The following DPP8 variants were observed in gnomAD, a reference collection of about 807,000 sequenced individuals.
The protein encoded by DPP8 is dipeptidyl peptidase 8, also known as DPP VIII.
DPP8 carries 31 observed loss-of-function variants against 107.5 expected under a neutral mutation model. The observed-to-expected ratio is 0.29, with a 90% CI of 0.22 to 0.39. The LOEUF is 0.39. Among genes scored for constraint, DPP8 ranks in the 10% least tolerant of loss-of-function variants. DPP8 has a pLI of 1.00. For synonymous variants in DPP8, 381 were observed against 356.6 expected (o/e 1.07, Z -0.77); for missense variants, 842 against 1,076.1 (o/e 0.78, Z 3.04).
At chr15:65,485,272 A>G (rs2067294530) in intron 7 of DPP8, 112 bp from the exon 8 acceptor site, 5 of 776,266 alleles carry the variant, frequency 6.4e-6, no homozygotes, top group East Asian at 2.7e-5. Context: ...GGTCGGGTGC[A>G]GTGGCTCACG....
intron 10 of DPP8, 83 bp from the exon 11 acceptor site, chr15:65,479,122 T>C: frequency 3.3e-6 from 3 of 909,912 alleles, no homozygotes; most frequent in South Asian, 4.8e-5. Context: ...AATTTCTTGA[T>C]AAATATACTT....
intron 17 of DPP8, 117 bp from the exon 18 acceptor site, chr15:65,452,219 C>T (rs2064033026): frequency 8.5e-7 from 1 of 1,178,858 alleles, no homozygotes; most frequent in Middle Eastern, 3.0e-4. Context: ...AGCCTTACTA[C>T]TGGCGCATAC....
intron 4 of DPP8, among the ~76,000 whole-genome samples, chr15:65,499,902 A>G (rs184957153): frequency 1.3e-5 from 2 of 152,024 alleles, no homozygotes; most frequent in Non-Finnish European, 2.9e-5. Context: ...AAAGATTATT[A>G]ACTCTTTTGT....
intron 15 of DPP8, among the ~76,000 whole-genome samples, chr15:65,456,750 G>C (rs1475930269): frequency 6.6e-6 from 1 of 152,146 alleles, no homozygotes; most frequent in Non-Finnish European, 1.5e-5. Flanking sequence ...CATCAGATAT[G>C]ACTGCTGCTT....
At chr15:65,451,782 C>T (rs935985059) in intron 18 of DPP8, among the ~76,000 whole-genome samples, 178 bp downstream of exon 18, 1 of 151,694 alleles carries the variant, frequency 6.6e-6, no homozygotes, top group Non-Finnish European at 1.5e-5. Flanking sequence ...AAAAATTAGG[C>T]GGGCATGGTG....
chr15:65,471,883 G>A (rs1452928477), intron 12 of DPP8, among the ~76,000 whole-genome samples: 6 of 152,118 alleles, frequency 3.9e-5, no homozygotes, highest in Non-Finnish European at 8.8e-5. Context: ...GATTTTTACA[G>A]TAGCCAGTAA....
intron 12 of DPP8, among the ~76,000 whole-genome samples, chr15:65,473,258 G>C (rs2066071722): frequency 6.6e-6 from 1 of 150,750 alleles, no homozygotes; most frequent in African/African-American, 2.5e-5. Flanking sequence ...CCAGGAGGTG[G>C]AAGTTTCAGT....
At chr15:65,460,299 C>T (rs1490904681) in intron 15 of DPP8, among the ~76,000 whole-genome samples, 1 of 151,984 alleles carries the variant, frequency 6.6e-6, no homozygotes, top group Non-Finnish European at 1.5e-5. Context: ...AAAAATTAGC[C>T]AGGCATGGTG....
Position 65,497,416 on chromosome 15 carries a change from C to T in DPP8, c.715+448G>A, listed in dbSNP as rs537503998. Among the ~76,000 whole-genome samples the T allele has an allele frequency of 3.9e-5, 6 of 152,184 alleles. No homozygotes were observed. In the South Asian group the frequency reaches 1.0e-3, roughly 26 times the overall value. Reference sequence around the variant, plus strand: ...GGACTACACATGCCACTACGCTCAGCTAATTTTTTGTATTTTTTTGTCAAA... The same window carrying T: ...GGACTACACATGCCACTACGCTCAGTTAATTTTTTGTATTTTTTTGTCAAA... On this transcript the variant is annotated intron_variant, in intron 5 of 19. Transcript: ENST00000300141.
intron 3 of DPP8, 92 bp from the exon 4 acceptor site, chr15:65,500,871 C>CAA: frequency 1.8e-6 from 1 of 544,862 alleles, no homozygotes; most frequent in Non-Finnish European, 3.0e-6. Context: ...ACATTATTGA[C>CAA]TCTTTTTTTT....
At chr15:65,448,920 A>ATATG (rs2063755602) in intron 19 of DPP8, among the ~76,000 whole-genome samples, 4 of 90,920 alleles carry the variant, frequency 4.4e-5, no homozygotes. Flanking sequence ...ATATATATAT[A>ATATG]TATTTAGCCT....
At position 65,498,785 on chromosome 15, in the gene DPP8, TA is replaced by T. The variant is rs571545011; in HGVS notation, c.547-754del. On this transcript the variant is annotated intron_variant, in intron 4 of 19. Transcript: ENST00000300141. ...TTCCTAAAGCTCATAATCAATTGCC[TA>T]GGATAAAACCAAACATAAGCCACTT... Among the ~76,000 whole-genome samples the T allele has an allele frequency of 2.2e-4, 34 of 152,190 alleles. No homozygotes were observed. The East Asian group carries it at 6.6e-3, about 29-fold the overall frequency.
chr15:65,473,981 G>A (rs2066149658), intron 12 of DPP8, among the ~76,000 whole-genome samples: 1 of 152,098 alleles, frequency 6.6e-6, no homozygotes, highest in Non-Finnish European at 1.5e-5. Context: ...GCACATGCCT[G>A]TAATCCCAGC....
intron 14 of DPP8, among the ~76,000 whole-genome samples, chr15:65,465,569 CTTTTT>C (rs556724106): frequency 2.3e-5 from 3 of 128,598 alleles, no homozygotes; most frequent in African/African-American, 8.5e-5. Flanking sequence ...CCAGTCCATT[CTTTTT>C]TTTTTTTTTT....
chr15:65,514,035 T>G (rs1054946544), intron 1 of DPP8, among the ~76,000 whole-genome samples: 1 of 152,230 alleles, frequency 6.6e-6, no homozygotes, highest in African/African-American at 2.4e-5. Flanking sequence ...AATATATCTT[T>G]TTTAAAGCCC....
intron 2 of DPP8, chr15:65,511,985 TTTTATTG>T: frequency 2.1e-6 from 1 of 477,768 alleles, no homozygotes; most frequent in South Asian, 1.7e-5. Context: ...AAACTAATGG[TTTTATTG>T]TTTGTTTTCC....
chr15:65,461,835 A>G (rs1452459151), intron 15 of DPP8, among the ~76,000 whole-genome samples: 1 of 151,532 alleles, frequency 6.6e-6, no homozygotes, highest in Non-Finnish European at 1.5e-5. Flanking sequence ...CTCTGACCTC[A>G]TGATCCGCCT....
intron 12 of DPP8, among the ~76,000 whole-genome samples, chr15:65,472,765 C>T (rs1017128992): frequency 2.6e-5 from 4 of 152,118 alleles, no homozygotes; most frequent in South Asian, 2.1e-4. Context: ...CTTGGCCAGG[C>T]GTGGTGGTTC....
chr15:65,466,699 C>T lies in DPP8; in HGVS notation c.1804G>A (p.Ala602Thr), dbSNP rs763967014. The change falls in exon 14 of 20, where the codon GCC becomes ACC. Residue 602 changes from alanine to threonine, a missense_variant. Ala to Thr is a moderately conservative substitution (Grantham distance 58). Transcript: ENST00000300141. ...DPTCKTKEFW[A>T]TILDSAGPLP... is the part of the protein sequence containing the mutation. ...ATACCTGCTGAATCCAAAATGGTGG[C>T]CCAAAATTCCTTTGTTTTGCAAGTT... 6 of 1,613,908 alleles carry T rather than the reference C, an allele frequency of 3.7e-6. No individual in the cohort carries two copies. Among genetic ancestry groups the T allele is most frequent in the South Asian group, 3.3e-5 (3 of 91,082 alleles).
Sources: gnomAD v4.1 joint callset for allele counts (sites outside exome capture counted in the v4.1 genomes callset) on GRCh38, gnomAD v4.1.1 for gene constraint, MANE v1.5 for transcripts, NCBI Gene and HGNC (gene_info 2026-07-23, HGNC 2026-07-21) for gene names.